Variants in RRBP1 observed in about 807,000 individuals in gnomAD.
RRBP1 encodes ribosome-binding protein 1.
In RRBP1, 94 loss-of-function variants were observed where a neutral mutation model predicts 165.2. That is an observed-to-expected ratio of 0.57 (90% CI 0.48 to 0.68). The LOEUF is 0.68. Ranked by LOEUF, RRBP1 falls within the 30% of genes least tolerant of loss-of-function variation. The pLI is 0.00. For synonymous variants in RRBP1, 680 were observed against 714.5 expected (o/e 0.95, Z 0.77); for missense variants, 1,676 against 1,763.0 (o/e 0.95, Z 0.88).
rs750182995 is a variant in RRBP1 at position 17,658,867 on chromosome 20, G to A, written c.1641C>T (p.Gly547=). 4 of 1,613,646 alleles carry A rather than the reference G, an allele frequency of 2.5e-6. No homozygotes were observed. Among genetic ancestry groups the A allele is most frequent in the South Asian group, 1.1e-5 (1 of 91,082 alleles). ...GKKGEGAPIQ[G]KKADSVANQG... ...GATTAGCAACCGAATCTGCCTTTTT[G>A]CCCTGGATGGGAGCTCCCTCTCCTT... Residue 547 remains glycine, a synonymous_variant, in exon 3 of 25, where the codon GGC becomes GGT. Transcript: ENST00000377813.
chr20:17,655,381 T>C (rs1209957251), intron 3 of RRBP1, among the ~76,000 whole-genome samples: 2 of 152,264 alleles, frequency 1.3e-5, no homozygotes, highest in Admixed American at 6.5e-5. Context: ...GGAATTGTAC[T>C]GTATTTCCTA....
chr20:17,658,742 T>C lies in RRBP1; in HGVS notation c.1766A>G (p.Lys589Arg), dbSNP rs1028893829. ...KAEGSPNQGK[K>R]ADAAANQGKK... Reference sequence around the variant, plus strand: ...ACCCTGATTGGCAGCTGCGTCTGCCTTTTTGCCTTGGTTGGGGGACCCTTC... The same window carrying C: ...ACCCTGATTGGCAGCTGCGTCTGCCCTTTTGCCTTGGTTGGGGGACCCTTC... Residue 589 changes from lysine to arginine, a missense_variant, in exon 3 of 25, where the codon AAG (lysine) becomes AGG (arginine). By Grantham distance (26) the Lys-to-Arg change is conservative. Coordinates refer to ENST00000377813, the MANE Select transcript of RRBP1 (RefSeq NM_001365613.2). 6.2e-7 allele frequency: 1 copy of C among 1,612,716 alleles called. No homozygotes were observed. Among genetic ancestry groups the C allele is most frequent in the Non-Finnish European group, 8.5e-7 (1 of 1,178,802 alleles).
At chr20:17,680,732 ACTTCTGCAG>A (rs2037165667) in intron 1 of RRBP1, among the ~76,000 whole-genome samples, 3 of 151,828 alleles carry the variant, frequency 2.0e-5, no homozygotes. Context: ...CGGCTGTGCA[ACTTCTGCAG>A]CCCCGCGCCC....
At chr20:17,646,801 T>C (rs1211410370) in intron 3 of RRBP1, among the ~76,000 whole-genome samples, 1 of 152,166 alleles carries the variant, frequency 6.6e-6, no homozygotes, top group African/African-American at 2.4e-5. Context: ...GTGGCGTCCT[T>C]GGATGAGGCT....
rs1338891164 is a variant in RRBP1, at chr20:17,669,497, C to T, written c.-21-8969G>A. ...GTCTCCCAAAAGCAGGGGTCAGTGT[C>T]ATCTATACTGTATCAAATCAAACCT... On this transcript the variant is annotated intron_variant, in intron 2 of 24. Coordinates refer to ENST00000377813, the MANE Select transcript of RRBP1 (RefSeq NM_001365613.2). Among the ~76,000 whole-genome samples the T allele has an allele frequency of 2.6e-5, 4 of 152,212 alleles. No individual in the cohort carries two copies. The South Asian group carries it at 6.2e-4, about 24-fold the overall frequency.
chr20:17,645,874 C>T (rs1383267789), intron 3 of RRBP1, among the ~76,000 whole-genome samples: 3 of 152,220 alleles, frequency 2.0e-5, no homozygotes, highest in African/African-American at 4.8e-5. Flanking sequence ...AAGCTCAGCT[C>T]CCTGAGGGCT....
Position 17,643,365 on chromosome 20 carries a change from A to G in RRBP1, c.1913-238T>C, listed in dbSNP as rs1416552436. On this transcript the variant is annotated intron_variant, in intron 3 of 24. Transcript: ENST00000377813. This position sits in a 1 kb window ranked among gnomAD's most constrained non-coding sequence, Gnocchi z 4.3. ...TCCTAACTCGCCCATAGGAAGTCCC[A>G]GCCTGGGGTGGAAGTAGAGCTCCTC... Among the ~76,000 whole-genome samples the G allele has an allele frequency of 6.6e-6, 1 of 151,222 alleles. No individual in the cohort carries two copies. The highest frequency in any genetic ancestry group is 1.5e-5 in the Non-Finnish European group (1 of 67,864).
rs565571963 is a variant in RRBP1, at chr20:17,621,549, T to C, written c.3325-2A>G. 9.9e-6 allele frequency: 16 copies of C among 1,611,826 alleles called. No homozygotes were observed. In the East Asian group the frequency reaches 3.3e-4, roughly 34 times the overall value. On this transcript the variant is annotated splice_acceptor_variant, in intron 15 of 24. Coordinates refer to ENST00000377813, the MANE Select transcript of RRBP1 (RefSeq NM_001365613.2). LOFTEE classifies it high-confidence loss of function. ...CTCCCTCAACTTGGAGGCCAGGTCC[T>C]GAGAGAGGGAAGAACAGGTGTTTAG...
intron 19 of RRBP1, 91 bp downstream of exon 19, chr20:17,619,542 A>G (rs1424967524): frequency 6.7e-6 from 6 of 889,894 alleles, no homozygotes; most frequent in Non-Finnish European, 1.0e-5. Context: ...TATGTCACCG[A>G]GAGCTGCTCC....
Position 17,620,695 on chromosome 20 carries a change from G to A in RRBP1, c.3507+20C>T. The A allele has an allele frequency of 1.3e-6, 2 of 1,587,172 alleles. No individual in the cohort carries two copies. Among genetic ancestry groups the A allele is most frequent in the Non-Finnish European group, 1.7e-6 (2 of 1,165,662 alleles). On this transcript the variant is annotated intron_variant, in intron 17 of 24. Transcript: ENST00000377813. The stretch of plus-strand genomic sequence containing the variant: ...TTCATGTGCTCCACGGCGCCGGGAG[G>A]CAGGCAGGGCTGCATATACCTTCTG...
intron 2 of RRBP1, among the ~76,000 whole-genome samples, chr20:17,661,639 C>T (rs538069248): frequency 2.0e-5 from 3 of 152,078 alleles, no homozygotes; most frequent in South Asian, 2.1e-4. Context: ...TAAAGAAGAT[C>T]GATGGAATGA....
chr20:17,662,948 G>A (rs577760169), intron 2 of RRBP1, among the ~76,000 whole-genome samples: 3 of 152,226 alleles, frequency 2.0e-5, no homozygotes, highest in South Asian at 2.1e-4. Context: ...AGCTGAGGAG[G>A]GAGGATCGCT....
intron 22 of RRBP1, 93 bp from the exon 23 acceptor site, chr20:17,615,622 C>T (rs562689972): frequency 1.5e-5 from 15 of 997,844 alleles, no homozygotes; most frequent in Middle Eastern, 4.3e-4. Flanking sequence ...ACCAGGGGGC[C>T]CCCCCAGCCT....
chr20:17,655,826 T>A (rs1600765733), intron 3 of RRBP1, among the ~76,000 whole-genome samples: 1 of 152,388 alleles, frequency 6.6e-6, no homozygotes, highest in Admixed American at 6.5e-5. Context: ...TAAAGCTTAT[T>A]TGCTTTAATG....
At chr20:17,641,064 G>A (rs2122357040) in intron 5 of RRBP1, among the ~76,000 whole-genome samples, 1 of 152,174 alleles carries the variant, frequency 6.6e-6, no homozygotes, top group East Asian at 1.9e-4. Flanking sequence ...AGGGCCAGGG[G>A]GCCCCTCACC....
At chr20:17,672,935 T>A (rs968688195) in intron 2 of RRBP1, among the ~76,000 whole-genome samples, 3 of 152,050 alleles carry the variant, frequency 2.0e-5, no homozygotes, top group African/African-American at 7.2e-5. Context: ...AATCAATCAC[T>A]GGTATTATTA....
intron 5 of RRBP1, among the ~76,000 whole-genome samples, chr20:17,637,296 G>A (rs1281050062): frequency 6.6e-6 from 1 of 152,170 alleles, no homozygotes; most frequent in Admixed American, 6.5e-5. Context: ...AGGTGAACAT[G>A]GATGCCGAGT....
intron 13 of RRBP1, among the ~76,000 whole-genome samples, chr20:17,622,513 G>C (rs537229320): frequency 3.0e-4 from 46 of 152,180 alleles, no homozygotes; most frequent in Non-Finnish European, 6.0e-4. Context: ...ACCCTGGAGA[G>C]GGTGGATCAG....
At chr20:17,629,229 G>A (rs926763310) in intron 9 of RRBP1, among the ~76,000 whole-genome samples, 5 of 152,232 alleles carry the variant, frequency 3.3e-5, no homozygotes, top group South Asian at 2.1e-4. Flanking sequence ...CCTGGGGAGG[G>A]GCTCGGGAAG....
Sources: gnomAD v4.1 joint callset for allele counts (sites outside exome capture counted in the v4.1 genomes callset) on GRCh38, gnomAD v4.1.1 for gene constraint, Gnocchi (gnomAD v3.1) non-coding constraint, MANE v1.5 for transcripts, NCBI Gene and HGNC (gene_info 2026-07-23, HGNC 2026-07-21) for gene names.